Variants in INPP4B observed in about 807,000 individuals in gnomAD.
INPP4B encodes inositol polyphosphate-4-phosphatase type II B, also known as inositol polyphosphate 4-phosphatase type II.
In INPP4B, 55 loss-of-function variants were observed where a neutral mutation model predicts 122.5. The ratio of observed to expected loss-of-function variants is 0.45; its 90% CI spans 0.36 to 0.56. The LOEUF (loss-of-function observed/expected upper bound fraction) is 0.56. Among genes scored for constraint, INPP4B ranks in the 20% least tolerant of loss-of-function variants. INPP4B has a pLI of 0.00. For missense variants in INPP4B, 1,000 were observed against 1,097.7 expected (o/e 0.91, Z 1.26); for synonymous variants, 403 against 388.7 (o/e 1.04, Z -0.43).
In INPP4B at chr4:142,653,365, T is replaced by G. The variant is rs563490970; in HGVS notation, c.-191+72474A>C. ...AAGCAATGGCAACAAAAGCCAAAAT[T>G]GACAAATGGGATCTAATTAAACTAA... On this transcript the variant is annotated intron_variant, in intron 2 of 25. Coordinates refer to ENST00000262992, the MANE Select transcript of INPP4B (RefSeq NM_001101669.3). 2.6e-4 allele frequency among the ~76,000 whole-genome samples: 39 copies of G among 152,194 alleles called. No individual in the cohort carries two copies. The South Asian group carries it at 8.1e-3, about 32-fold the overall frequency.
intron 5 of INPP4B, among the ~76,000 whole-genome samples, chr4:142,417,704 G>A (rs568775303): frequency 6.6e-6 from 1 of 152,122 alleles, no homozygotes; most frequent in East Asian, 1.9e-4. Context: ...TATTCTTAGT[G>A]CTTTAGGAAT....
chr4:142,224,903 A>G (rs1850868444), intron 12 of INPP4B, among the ~76,000 whole-genome samples: 1 of 152,174 alleles, frequency 6.6e-6, no homozygotes, highest in African/African-American at 2.4e-5. Flanking sequence ...ATAAAATGTT[A>G]TATTTAAAGT....
chr4:142,487,739 C>A (rs983711283), intron 2 of INPP4B, among the ~76,000 whole-genome samples: 12 of 152,054 alleles, frequency 7.9e-5, no homozygotes, highest in Non-Finnish European at 1.6e-4. Context: ...ATTGTTTCTG[C>A]ATGAATACAG....
intron 2 of INPP4B, among the ~76,000 whole-genome samples, chr4:142,668,376 C>T (rs1756467991): frequency 6.6e-6 from 1 of 152,018 alleles, no homozygotes; most frequent in African/African-American, 2.4e-5. Context: ...TCACATATGA[C>T]AAAACTCCAG....
intron 25 of INPP4B, among the ~76,000 whole-genome samples, chr4:142,049,442 T>C (rs915306117): frequency 2.0e-5 from 3 of 152,074 alleles, no homozygotes; most frequent in African/African-American, 7.2e-5. Flanking sequence ...AAAGAAGTTA[T>C]GTAATAATTA....
intron 9 of INPP4B, among the ~76,000 whole-genome samples, chr4:142,298,475 AG>A (rs1384733219): frequency 6.6e-6 from 1 of 151,940 alleles, no homozygotes; most frequent in Non-Finnish European, 1.5e-5. Context: ...TCACGAGGTC[AG>A]GAGATCAAGA....
At chr4:142,632,046 C>A (rs914267398) in intron 2 of INPP4B, among the ~76,000 whole-genome samples, 1 of 152,088 alleles carries the variant, frequency 6.6e-6, no homozygotes, top group Admixed American at 6.6e-5. Context: ...TTGTCATTCT[C>A]TCAAACAGAC....
chr4:142,224,924 C>T (rs372340610), intron 12 of INPP4B, among the ~76,000 whole-genome samples: 2 of 152,178 alleles, frequency 1.3e-5, no homozygotes, highest in East Asian at 1.9e-4. Context: ...TTATATGTCC[C>T]AAACTCGACT....
chr4:142,664,819 G>A (rs2150600738), intron 2 of INPP4B, among the ~76,000 whole-genome samples: 1 of 152,268 alleles, frequency 6.6e-6, no homozygotes, highest in East Asian at 1.9e-4. Flanking sequence ...TCCTTATGTA[G>A]TCATGCCTTG....
At chr4:142,297,681 T>G (rs1759370866) in intron 9 of INPP4B, among the ~76,000 whole-genome samples, 2 of 152,218 alleles carry the variant, frequency 1.3e-5, no homozygotes, top group South Asian at 4.1e-4. Context: ...ATGAGCCAAT[T>G]AAACCTCTTT....
intron 25 of INPP4B, among the ~76,000 whole-genome samples, chr4:142,070,559 A>G (rs1024701148): frequency 6.6e-6 from 1 of 152,218 alleles, no homozygotes; most frequent in Non-Finnish European, 1.5e-5. Flanking sequence ...CCCTGTTTGC[A>G]GATGACATGA....
In INPP4B at chr4:142,237,917, G is replaced by A. The variant is rs2149970832; in HGVS notation, c.783C>T (p.Ser261=). 6.3e-7 allele frequency: 1 copy of A among 1,582,590 alleles called. No homozygotes were observed. Among genetic ancestry groups the A allele is most frequent in the Non-Finnish European group, 8.7e-7 (1 of 1,155,088 alleles). The change falls in exon 12 of 26, where the codon TCC becomes TCT. Residue 261 remains serine, a synonymous_variant. Coordinates refer to ENST00000262992, the MANE Select transcript of INPP4B (RefSeq NM_001101669.3). ...IREQMSESIL[S]FHIPKELISL... ...AAATCAATTCCTTAGGAATATGAAAGGAAAGAATGCTCTCTGACATCTGCT... is the reference window on the plus strand; with the variant it reads ...AAATCAATTCCTTAGGAATATGAAAAGAAAGAATGCTCTCTGACATCTGCT...
intron 2 of INPP4B, among the ~76,000 whole-genome samples, chr4:142,655,419 C>A (rs1335631895): frequency 6.6e-6 from 1 of 152,136 alleles, no homozygotes; most frequent in Admixed American, 6.5e-5. Context: ...TCAGACCTGG[C>A]CCAAGTCTAA....
At chr4:142,213,653 G>A (rs981599349) in intron 12 of INPP4B, among the ~76,000 whole-genome samples, 1 of 152,144 alleles carries the variant, frequency 6.6e-6, no homozygotes, top group Admixed American at 6.5e-5. Context: ...CGTATTCCTT[G>A]TATTTTATTT....
At chr4:142,611,611 T>C (rs1345058104) in intron 2 of INPP4B, among the ~76,000 whole-genome samples, 3 of 151,448 alleles carry the variant, frequency 2.0e-5, no homozygotes, top group Non-Finnish European at 2.9e-5. Flanking sequence ...TAATTTTCCT[T>C]CTGGAAGTTC....
intron 18 of INPP4B, among the ~76,000 whole-genome samples, chr4:142,135,772 T>G (rs202234722): frequency 1.6e-5 from 2 of 126,604 alleles, no homozygotes; most frequent in Non-Finnish European, 3.8e-5. Flanking sequence ...TCAGGGTGTT[T>G]TTTGTTTGTT....
At chr4:142,446,064 G>T (rs1220969363) in intron 3 of INPP4B, among the ~76,000 whole-genome samples, 2 of 151,770 alleles carry the variant, frequency 1.3e-5, no homozygotes, top group African/African-American at 2.4e-5. Context: ...AGAAAAGAAG[G>T]TCTCAAATCA....
At chr4:142,693,939 CTCTCTA>C (rs1351547640) in intron 2 of INPP4B, among the ~76,000 whole-genome samples, 2 of 27,294 alleles carry the variant, frequency 7.3e-5, no homozygotes, top group Non-Finnish European at 2.5e-4. Flanking sequence ...AGATCTGCTT[CTCTCTA>C]TGTGTCTATA....
At chr4:142,121,587 TTGC>T (rs2152747597) in intron 21 of INPP4B, among the ~76,000 whole-genome samples, 1 of 152,244 alleles carries the variant, frequency 6.6e-6, no homozygotes, top group African/African-American at 2.4e-5. Flanking sequence ...TTCTGACATT[TTGC>T]CTATCATACA....
Sources: gnomAD v4.1 joint callset for allele counts (sites outside exome capture counted in the v4.1 genomes callset) on GRCh38, gnomAD v4.1.1 for gene constraint, MANE v1.5 for transcripts, NCBI Gene and HGNC (gene_info 2026-07-23, HGNC 2026-07-21) for gene names.